TMEM248: variants seen among roughly 807,000 people sequenced by gnomAD.
TMEM248 encodes the protein UPF0458 protein C7orf42.
TMEM248 carries 9 observed loss-of-function variants against 30.3 expected under a neutral mutation model. That is an observed-to-expected ratio of 0.30 (90% CI 0.18 to 0.52). TMEM248 has a LOEUF of 0.52. Among genes scored for constraint, TMEM248 ranks in the 20% least tolerant of loss-of-function variants. The pLI is 0.97. For missense variants in TMEM248, 338 were observed against 403.3 expected, an observed-to-expected ratio of 0.84 and a Z score of 1.39; for synonymous variants, 184 against 154.4, an observed-to-expected ratio of 1.19 and a Z score of -1.42.
At chr7:66,939,108 T>A (rs139892751) in intron 1 of TMEM248, among the ~76,000 whole-genome samples, 178 of 152,308 alleles carry the variant, frequency 1.2e-3, no homozygotes, top group African/African-American at 3.9e-3. Context: ...TTGGACCATA[T>A]TAATATGCCT....
At chr7:66,951,542 TAGG>T (rs1792270013) in intron 5 of TMEM248, among the ~76,000 whole-genome samples, 1 of 151,736 alleles carries the variant, frequency 6.6e-6, no homozygotes, top group Non-Finnish European at 1.5e-5. Flanking sequence ...AAGGGAGTAG[TAGG>T]AGGAGATGAA....
intron 3 of TMEM248, 91 bp from the exon 4 acceptor site, chr7:66,948,453 G>A: frequency 2.1e-6 from 3 of 1,460,440 alleles, no homozygotes; most frequent in African/African-American, 1.4e-5. Flanking sequence ...GATGATTCCT[G>A]TGTGGGTTTG....
intron 2 of TMEM248, among the ~76,000 whole-genome samples, chr7:66,944,267 G>A (rs925684216): frequency 1.3e-5 from 2 of 151,158 alleles, no homozygotes; most frequent in Non-Finnish European, 2.9e-5. Flanking sequence ...ACCACACCCG[G>A]CTAATTATTG....
chr7:66,935,050 T>G (rs1791766074), intron 1 of TMEM248, among the ~76,000 whole-genome samples: 2 of 151,998 alleles, frequency 1.3e-5, no homozygotes, highest in Non-Finnish European at 2.9e-5. Flanking sequence ...GTGAGACTCT[T>G]GTGTCCAAAA....
chr7:66,933,327 G>A (rs376458660), intron 1 of TMEM248, among the ~76,000 whole-genome samples: 35 of 152,280 alleles, frequency 2.3e-4, no homozygotes, highest in East Asian at 7.7e-4. Context: ...GTGCCACCAC[G>A]CCCAGATCTT....
intron 1 of TMEM248, among the ~76,000 whole-genome samples, chr7:66,940,851 A>G (rs1791927720): frequency 6.6e-6 from 1 of 152,248 alleles, no homozygotes; most frequent in Admixed American, 6.5e-5. Context: ...AAATGAGAGC[A>G]TCCTCACTTT....
intron 1 of TMEM248, among the ~76,000 whole-genome samples, chr7:66,927,746 C>T (rs557286147): frequency 6.6e-6 from 1 of 151,980 alleles, no homozygotes; most frequent in East Asian, 1.9e-4. Flanking sequence ...CATGAAACAC[C>T]ATGCCCAGTC....
At chr7:66,937,898 GTCAGGGTTTC>G (rs1791846169) in intron 1 of TMEM248, among the ~76,000 whole-genome samples, 1 of 152,028 alleles carries the variant, frequency 6.6e-6, no homozygotes, top group African/African-American at 2.4e-5. Flanking sequence ...TTTTAGTAGA[GTCAGGGTTTC>G]TCTACTAAAG....
chr7:66,939,460 G>A (rs1024961472), intron 1 of TMEM248, among the ~76,000 whole-genome samples: 1 of 152,218 alleles, frequency 6.6e-6, no homozygotes, highest in African/African-American at 2.4e-5. Context: ...TGGAAAATGT[G>A]TTGCTGTTGA....
chr7:66,955,389 C>A, intron 6 of TMEM248, 113 bp from the exon 7 acceptor site: 1 of 1,230,798 alleles, frequency 8.1e-7, no homozygotes, highest in Non-Finnish European at 1.2e-6. Flanking sequence ...GATTTAGTAA[C>A]TTCACTGTCT....
chr7:66,928,443 C>T (rs537168451), intron 1 of TMEM248, among the ~76,000 whole-genome samples: 1 of 151,988 alleles, frequency 6.6e-6, no homozygotes. Context: ...TCCATTTCTG[C>T]CATTTATTTG....
At chr7:66,925,212 G>A (rs1319390664) in intron 1 of TMEM248, among the ~76,000 whole-genome samples, 3 of 151,888 alleles carry the variant, frequency 2.0e-5, no homozygotes, top group East Asian at 1.9e-4. Context: ...GTAGAGGCAA[G>A]GTCTCACTCT....
At chr7:66,950,666 A>C (rs1431599253) in intron 4 of TMEM248, among the ~76,000 whole-genome samples, 24 of 152,226 alleles carry the variant, frequency 1.6e-4, no homozygotes, top group Non-Finnish European at 1.0e-4. Context: ...GCTTTGCATC[A>C]CATGTGAGAG....
intron 3 of TMEM248, 70 bp downstream of exon 3, chr7:66,945,331 A>G (rs772181459): frequency 3.1e-5 from 47 of 1,514,690 alleles, no homozygotes; most frequent in Non-Finnish European, 4.2e-5. Context: ...TGCACCGTGT[A>G]TGTTTTTACT....
At chr7:66,952,473 A>G (rs997074250) in intron 5 of TMEM248, among the ~76,000 whole-genome samples, 1 of 152,224 alleles carries the variant, frequency 6.6e-6, no homozygotes, top group Non-Finnish European at 1.5e-5. Context: ...TGCCTGGCCA[A>G]GGGCAGTCCC....
chr7:66,941,796 A>T (rs1791966864), intron 1 of TMEM248, 52 bp from the exon 2 acceptor site: 2 of 1,499,998 alleles, frequency 1.3e-6, no homozygotes, highest in East Asian at 2.3e-5. Flanking sequence ...AAAGAATCAT[A>T]GCTTTCCTGT....
intron 1 of TMEM248, among the ~76,000 whole-genome samples, chr7:66,922,403 C>T (rs1303050775): frequency 6.6e-6 from 1 of 152,100 alleles, no homozygotes; most frequent in African/African-American, 2.4e-5. Context: ...AGCGCTTGAC[C>T]GATAAGGGTG....
In TMEM248 at chr7:66,942,003, TA is replaced by T; in HGVS notation, c.141del (p.Lys47AsnfsTer43). 6.2e-7 allele frequency: 1 copy of T among 1,614,136 alleles called. No homozygotes were observed. The highest frequency in any genetic ancestry group is 8.5e-7 in the Non-Finnish European group (1 of 1,180,000). On this transcript the variant is annotated frameshift_variant, in exon 2 of 7. Transcript: ENST00000341567. LOFTEE classifies it high-confidence loss of function. ...GCTACTTCTTCAAAATCAAGGAGAT[TA>T]AATCCCCAGAAATGGCAGAGGTATA... ...LGYFFKIKEIKSPEMAEDWNT... is the reference protein window; with the variant it reads ...LGYFFKIKEIXSPEMAEDWNT...
In TMEM248 at chr7:66,941,853, G is replaced by T. The variant is rs141248096; in HGVS notation, c.-13G>T. ...TTCTGATTCATTTCTTTCAGGTGGAGCTGATCAGAATAATGTTCAGCATCA... is the reference window on the plus strand; with the variant it reads ...TTCTGATTCATTTCTTTCAGGTGGATCTGATCAGAATAATGTTCAGCATCA... On this transcript the variant is annotated 5_prime_UTR_variant, in exon 2 of 7. Transcript: ENST00000341567. 65 of 1,607,852 alleles carry T rather than the reference G, an allele frequency of 4.0e-5. No individual in the cohort carries two copies. In the African/African-American group the frequency reaches 7.6e-4, roughly 19 times the overall value.
Sources: gnomAD v4.1 joint callset for allele counts (sites outside exome capture counted in the v4.1 genomes callset) on GRCh38, gnomAD v4.1.1 for gene constraint, MANE v1.5 for transcripts, NCBI Gene and HGNC (gene_info 2026-07-23, HGNC 2026-07-21) for gene names.